CHRNA10: variants seen among roughly 807,000 people sequenced by gnomAD.
CHRNA10 encodes the protein neuronal acetylcholine receptor subunit alpha-10.
A neutral mutation model predicts 36.0 loss-of-function variants in CHRNA10; 31 were observed. The ratio of observed to expected loss-of-function variants is 0.86; its 90% CI spans 0.65 to 1.16. The LOEUF is 1.16. Ranked by LOEUF, CHRNA10 falls within the 50% of genes most tolerant of loss-of-function variation. The probability of loss-of-function intolerance (pLI) is 0.00; values close to 1 mark genes in which losing one functional copy is unlikely to be tolerated. For synonymous variants in CHRNA10, 302 were observed against 287.0 expected (o/e 1.05, Z -0.53); for missense variants, 648 against 640.9 (o/e 1.01, Z -0.12).
intron 1 of CHRNA10, among the ~76,000 whole-genome samples, chr11:3,670,842 G>C (rs1166386482): frequency 6.6e-6 from 1 of 152,152 alleles, no homozygotes; most frequent in East Asian, 1.9e-4. Flanking sequence ...TCCCTTCACT[G>C]TCTCCCTTTC....
intron 3 of CHRNA10, 48 bp from the exon 4 acceptor site, chr11:3,667,812 G>A: frequency 1.4e-6 from 2 of 1,416,242 alleles, no homozygotes; most frequent in Non-Finnish European, 1.8e-6. Context: ...AGCCTGAGGA[G>A]CAGCCCCGGA....
At chr11:3,670,938 G>A in intron 1 of CHRNA10, 2 of 444,654 alleles carry the variant, frequency 4.5e-6, no homozygotes, top group Non-Finnish European at 8.3e-6. Flanking sequence ...GTATGCTGCT[G>A]AAACCTTTCA....
In CHRNA10 at chr11:3,666,430, G is replaced by C. The variant is rs760523118; in HGVS notation, c.1030C>G (p.Leu344Val). ...AWARALLLGH[L>V]ARGLCVRERG... ...TCCCGCACGCACAGGCCCCGTGCCA[G>C]GTGTCCCAGCAGGAGGGCCCTAGCC... The change falls in exon 5 of 5, where the codon CTG (leucine) becomes GTG (valine). Residue 344 changes from leucine (L) to valine (V), a missense_variant. Coordinates refer to ENST00000250699, the MANE Select transcript of CHRNA10 (RefSeq NM_020402.4). 5.6e-6 allele frequency: 9 copies of C among 1,613,996 alleles called. No individual in the cohort carries two copies. Among genetic ancestry groups the C allele is most frequent in the Admixed American group, 1.7e-5 (1 of 59,998 alleles).
rs751013593 is a variant in CHRNA10 at position 3,666,556 on chromosome 11, A to G, written c.904T>C (p.Tyr302His). 15 of 1,532,438 alleles carry G rather than the reference A, an allele frequency of 9.8e-6. No homozygotes were observed. Among genetic ancestry groups the G allele is most frequent in the African/African-American group, 1.4e-5 (1 of 72,222 alleles). 94.9% of individuals were successfully genotyped at this position (1,532,438 alleles called of 1,614,324 possible). A position where few individuals can be genotyped will look rare whatever the true frequency, so the allele number is the denominator to read the frequency against. Residue 302 changes from tyrosine (Y) to histidine (H), a missense_variant, in exon 5 of 5, where the codon TAC (tyrosine) becomes CAC (histidine). Physicochemically the swap from Tyr to His is moderately conservative, Grantham distance 83. Transcript: ENST00000250699. The stretch of plus-strand genomic sequence containing the variant: ...GTGACCATGGTCATAGTGGCCATGT[A>G]GTACTTCCCTGCAAGAGAGAGAGAA... ...AESVPLIGKY[Y>H]MATMTMVTFS... is the part of the protein sequence containing the mutation.
chr11:3,666,297 C>A lies in CHRNA10; in HGVS notation c.1163G>T (p.Cys388Phe). ...CAGTAGGGCTTCCTGGCGGCACAGA[C>A]ATCGTGGCTCGTGGCAAGGGCCCGC... ...PPAGPCHEPR[C>F]LCRQEALLHH... Residue 388 changes from cysteine (C) to phenylalanine (F), a missense_variant, in exon 5 of 5, where the codon TGT (cysteine) becomes TTT (phenylalanine). By Grantham distance (205) the Cys-to-Phe change is radical. Coordinates refer to ENST00000250699, the MANE Select transcript of CHRNA10 (RefSeq NM_020402.4). The A allele has an allele frequency of 6.2e-7, 1 of 1,613,432 alleles. No homozygotes were observed. Among genetic ancestry groups the A allele is most frequent in the Non-Finnish European group, 8.5e-7 (1 of 1,179,734 alleles).
chr11:3,667,271 C>G lies in CHRNA10; in HGVS notation c.856G>C (p.Ala286Pro), dbSNP rs748997800. Reference protein sequence around the residue: ...LALTVFQLLLAESMPPAESVP... With the variant: ...LALTVFQLLLPESMPPAESVP... Reference sequence around the variant, plus strand: ...CTCTCGGCCGGTGGCATGCTCTCGGCCAGCAGCAACTGGAAGACGGTGAGC... The same window carrying G: ...CTCTCGGCCGGTGGCATGCTCTCGGGCAGCAGCAACTGGAAGACGGTGAGC... The change falls in exon 4 of 5, where the codon GCC becomes CCC. Residue 286 changes from alanine to proline, a missense_variant. Coordinates refer to ENST00000250699, the MANE Select transcript of CHRNA10 (RefSeq NM_020402.4). The G allele has an allele frequency of 6.3e-7, 1 of 1,596,142 alleles. No homozygotes were observed. The highest frequency in any genetic ancestry group is 8.5e-7 in the Non-Finnish European group (1 of 1,178,070).
In CHRNA10 at chr11:3,669,364, G is replaced by A. The variant is rs1410709564; in HGVS notation, c.208-14C>T. Reference sequence around the variant, plus strand: ...GTTCCGTTCATCCTAGTGGGGGCAGGGAATGGCAGAGATGTGGACATGTAT... The same window carrying A: ...GTTCCGTTCATCCTAGTGGGGGCAGAGAATGGCAGAGATGTGGACATGTAT... On this transcript the variant is annotated splice_polypyrimidine_tract_variant and intron_variant, in intron 2 of 4. Coordinates refer to ENST00000250699, the MANE Select transcript of CHRNA10 (RefSeq NM_020402.4). 2 of 1,612,080 alleles carry A rather than the reference G, an allele frequency of 1.2e-6. No individual in the cohort carries two copies. The highest frequency in any genetic ancestry group is 1.3e-5 in the African/African-American group (1 of 74,982).
chr11:3,671,195 G>A, intron 1 of CHRNA10, 57 bp downstream of exon 1: 2 of 1,542,598 alleles, frequency 1.3e-6, no homozygotes, highest in Non-Finnish European at 1.8e-6. Flanking sequence ...GATTTTGGGA[G>A]AACAGGAATA....
chr11:3,668,012 T>G (rs1233847784), intron 3 of CHRNA10, among the ~76,000 whole-genome samples: 1 of 152,224 alleles, frequency 6.6e-6, no homozygotes, highest in Non-Finnish European at 1.5e-5. Context: ...AGGGCACCAG[T>G]AGGTGCCAGA....
intron 4 of CHRNA10, among the ~76,000 whole-genome samples, 196 bp from the exon 5 acceptor site, chr11:3,666,760 C>T (rs2077665622): frequency 6.6e-6 from 1 of 152,140 alleles, no homozygotes; most frequent in Non-Finnish European, 1.5e-5. Flanking sequence ...TCATCGGAAG[C>T]TACTGCTCTC....
chr11:3,669,801 C>T lies in CHRNA10; in HGVS notation c.202G>A (p.Asp68Asn), dbSNP rs1554884124. The T allele has an allele frequency of 1.7e-5, 27 of 1,614,186 alleles. No homozygotes were observed. Among genetic ancestry groups the T allele is most frequent in the South Asian group, 2.2e-5 (2 of 91,058 alleles). ...TLEVTLSQII[D>N]MDERNQVLTL... ...GTACCACCACCACAACGCACCATGT[C>T]GATGATCTGGGACAGTGTCACCTCC... The change falls in exon 2 of 5, where the codon GAC becomes AAC. Residue 68 changes from aspartate to asparagine, a missense_variant. Physicochemically the swap from Asp to Asn is conservative, Grantham distance 23. Coordinates refer to ENST00000250699, the MANE Select transcript of CHRNA10 (RefSeq NM_020402.4).
In CHRNA10 at chr11:3,666,549, G is replaced by A. The variant is rs148766678; in HGVS notation, c.911C>T (p.Ala304Val). The part of the protein sequence containing the change: ...SVPLIGKYYM[A>V]TMTMVTFSTA... ...TGAGAATGTGACCATGGTCATAGTG[G>A]CCATGTAGTACTTCCCTGCAAGAGA... The change falls in exon 5 of 5, where the codon GCC becomes GTC. Residue 304 changes from alanine (A) to valine (V), a missense_variant. Transcript: ENST00000250699. The A allele has an allele frequency of 4.5e-5, 70 of 1,545,920 alleles. No homozygotes were observed. The African/African-American group carries it at 7.0e-4, about 15-fold the overall frequency.
At position 3,666,010 on chromosome 11, in the gene CHRNA10, G is replaced by A. The variant is rs980587251; in HGVS notation, c.*97C>T. 9.5e-6 allele frequency: 10 copies of A among 1,053,050 alleles called. No homozygotes were observed. The African/African-American group carries it at 1.6e-4, about 17-fold the overall frequency. 65.2% of individuals were successfully genotyped at this position (1,053,050 alleles called of 1,614,324 possible). ...CAGGATCTTAGGAGCAGTGGGGAGA[G>A]ACTGGCTGGCCCAAAGACCAGCAAC... On this transcript the variant is annotated 3_prime_UTR_variant, in exon 5 of 5. Coordinates refer to ENST00000250699, the MANE Select transcript of CHRNA10 (RefSeq NM_020402.4).
At chr11:3,669,415 C>A (rs1219507304) in intron 2 of CHRNA10, 65 bp from the exon 3 acceptor site, 4 of 1,565,340 alleles carry the variant, frequency 2.6e-6, no homozygotes, top group Admixed American at 1.7e-5. Context: ...TGTCTGTGCA[C>A]ACTCCCCTGC....
Position 3,671,261 on chromosome 11 carries a change from G to A in CHRNA10, c.52C>T (p.Leu18Phe), listed in dbSNP as rs1035248059. 5 of 1,614,152 alleles carry A rather than the reference G, an allele frequency of 3.1e-6. No homozygotes were observed. Among genetic ancestry groups the A allele is most frequent in the Non-Finnish European group, 3.4e-6 (4 of 1,179,974 alleles). The change falls in exon 1 of 5, where the codon CTC becomes TTC. Residue 18 changes from leucine to phenylalanine, a missense_variant. By Grantham distance (22) the Leu-to-Phe change is conservative. Coordinates refer to ENST00000250699, the MANE Select transcript of CHRNA10 (RefSeq NM_020402.4). Reference sequence around the variant, plus strand: ...GTACTGAGCTTCATACCTGCAGGGAGTAGAAACAGAAGCAGAAGGCCCAGG... The same window carrying A: ...GTACTGAGCTTCATACCTGCAGGGAATAGAAACAGAAGCAGAAGGCCCAGG... ...LSLGLLLLFL[L>F]PAECLGAEGR...
At position 3,667,706 on chromosome 11, in the gene CHRNA10, C is replaced by T; in HGVS notation, c.421G>A (p.Ala141Thr). ...STNVVLRHDG[A>T]VRWDAPAITR... ...ATGGCCGGCGCGTCCCAGCGCACGG[C>T]GCCATCGTGGCGCAGGACCACGTTG... Residue 141 changes from alanine to threonine, a missense_variant, in exon 4 of 5, where the codon GCC (alanine) becomes ACC (threonine). Transcript: ENST00000250699. 3.2e-6 allele frequency: 5 copies of T among 1,573,914 alleles called. No individual in the cohort carries two copies. The highest frequency in any genetic ancestry group is 2.3e-5 in the East Asian group (1 of 43,346).
In CHRNA10 at chr11:3,667,466, C is replaced by G; in HGVS notation, c.661G>C (p.Glu221Gln). ...RRVLTYGCCS[E>Q]PYPDVTFTLL... ...GTGAAGGTGACGTCGGGGTAGGGCT[C>G]GGAGCAGCAGCCGTAGGTGAGCACG... The change falls in exon 4 of 5, where the codon GAG becomes CAG. Residue 221 changes from glutamate to glutamine, a missense_variant. Glu to Gln is a conservative substitution (Grantham distance 29, BLOSUM62 2). Coordinates refer to ENST00000250699, the MANE Select transcript of CHRNA10 (RefSeq NM_020402.4). 6.3e-7 allele frequency: 1 copy of G among 1,592,762 alleles called. No individual in the cohort carries two copies. Among genetic ancestry groups the G allele is most frequent in the Non-Finnish European group, 8.5e-7 (1 of 1,175,474 alleles).
Position 3,667,341 on chromosome 11 carries a change from G to T in CHRNA10, c.786C>A (p.Ala262=). 1 of 1,600,946 alleles carries T rather than the reference G, an allele frequency of 6.2e-7. No homozygotes were observed. The highest frequency in any genetic ancestry group is 8.5e-7 in the Non-Finnish European group (1 of 1,178,574). The stretch of plus-strand genomic sequence containing the variant: ...CCAGCGACACCTTCTCGCCTGAGTC[G>T]GCAGGCAGGTGGAAGGCGAGCGGCG... ...LLAPLAFHLP[A]DSGEKVSLGV... Residue 262 remains alanine, a synonymous_variant, in exon 4 of 5, where the codon GCC becomes GCA. Coordinates refer to ENST00000250699, the MANE Select transcript of CHRNA10 (RefSeq NM_020402.4).
At position 3,667,524 on chromosome 11, in the gene CHRNA10, C is replaced by A. The variant is rs962478837; in HGVS notation, c.603G>T (p.Glu201Asp). The change falls in exon 4 of 5, where the codon GAG (glutamate) becomes GAT (aspartate). Residue 201 changes from glutamate (E) to aspartate (D), a missense_variant. Transcript: ENST00000250699. ...GCGCCGGCATGCCCAGCACGCGCCA[C>A]TCCACGTTCTCCACGAAGTCCGCCA... ...ASLADFVENV[E>D]WRVLGMPARR... 1 of 1,585,744 alleles carries A rather than the reference C, an allele frequency of 6.3e-7. No individual in the cohort carries two copies. The highest frequency in any genetic ancestry group is 1.4e-5 in the African/African-American group (1 of 73,858).
Sources: allele counts gnomAD v4.1 joint callset (sites outside exome capture counted in the v4.1 genomes callset), GRCh38; gene constraint gnomAD v4.1.1; transcripts MANE v1.5; gene names NCBI Gene and HGNC (gene_info 2026-07-23, HGNC 2026-07-21).